Variants in CAMKMT observed in about 807,000 individuals in gnomAD.
CAMKMT encodes calmodulin-lysine N-methyltransferase, also known as CaM KMT.
CAMKMT carries 53 observed loss-of-function variants against 48.0 expected under a neutral mutation model. That is an observed-to-expected ratio of 1.10 (90% CI 0.89 to 1.39). CAMKMT has a LOEUF of 1.39. CAMKMT is among the 40% of genes most tolerant of loss of function. The pLI, the probability that CAMKMT is intolerant of heterozygous loss-of-function variation, is 0.00. For synonymous variants in CAMKMT, 165 were observed against 152.3 expected (o/e 1.08, Z -0.61); for missense variants, 428 against 402.7 (o/e 1.06, Z -0.54).
intron 9 of CAMKMT, among the ~76,000 whole-genome samples, chr2:44,758,845 C>CA (rs1172229436): frequency 1.3e-5 from 2 of 152,184 alleles, no homozygotes; most frequent in East Asian, 3.9e-4. Flanking sequence ...TGACAACCAA[C>CA]AAATGGTATC....
intron 3 of CAMKMT, among the ~76,000 whole-genome samples, chr2:44,672,093 C>T (rs1675364885): frequency 6.6e-6 from 1 of 152,186 alleles, no homozygotes; most frequent in Admixed American, 6.5e-5. Context: ...CCCTCCCCAT[C>T]CGCCTCACTC....
At position 44,657,185 on chromosome 2, in the gene CAMKMT, G is replaced by A. The variant is rs774311063; in HGVS notation, c.377-47098G>A. ...ATGAGAGCCATATGAAGGCCATCCC[G>A]TGGAGAGGTCAGGACCTCTCAGAGT... On this transcript the variant is annotated intron_variant, in intron 3 of 10. Coordinates refer to ENST00000378494, the MANE Select transcript of CAMKMT (RefSeq NM_024766.5). This position sits in a 1 kb window ranked among gnomAD's most constrained non-coding sequence, Gnocchi z 4.3. 1.3e-5 allele frequency among the ~76,000 whole-genome samples: 2 copies of A among 152,170 alleles called. No individual in the cohort carries two copies. Among genetic ancestry groups the A allele is most frequent in the Admixed American group, 6.5e-5 (1 of 15,278 alleles).
At chr2:44,682,457 TTAGCTG>T (rs1477431578) in intron 3 of CAMKMT, among the ~76,000 whole-genome samples, 1 of 152,234 alleles carries the variant, frequency 6.6e-6, no homozygotes, top group African/African-American at 2.4e-5. Flanking sequence ...CAATTTGAGC[TTAGCTG>T]AAGCATAATC....
At chr2:44,411,350 T>C (rs1048862250) in intron 3 of CAMKMT, among the ~76,000 whole-genome samples, 12 of 152,202 alleles carry the variant, frequency 7.9e-5, no homozygotes, top group Non-Finnish European at 1.6e-4. Context: ...GACATTGTCT[T>C]ATAGAAAAGT....
intron 3 of CAMKMT, among the ~76,000 whole-genome samples, chr2:44,561,244 T>C (rs1668307083): frequency 6.6e-6 from 1 of 152,202 alleles, no homozygotes; most frequent in African/African-American, 2.4e-5. Context: ...TCCTCAACAT[T>C]ACTACGTCTT....
At chr2:44,686,499 A>G (rs1395658790) in intron 3 of CAMKMT, among the ~76,000 whole-genome samples, 1 of 152,200 alleles carries the variant, frequency 6.6e-6, no homozygotes, top group Non-Finnish European at 1.5e-5. Flanking sequence ...GAAGTATAAG[A>G]TGTTAACAAT....
intron 3 of CAMKMT, among the ~76,000 whole-genome samples, chr2:44,701,946 C>G (rs1231450144): frequency 6.6e-6 from 1 of 151,954 alleles, no homozygotes; most frequent in African/African-American, 2.4e-5. Flanking sequence ...GTGATTATAT[C>G]CTAGTGGTCA....
At chr2:44,615,916 A>G (rs1308580405) in intron 3 of CAMKMT, among the ~76,000 whole-genome samples, 1 of 152,072 alleles carries the variant, frequency 6.6e-6, no homozygotes, top group Non-Finnish European at 1.5e-5. Flanking sequence ...TCACCAAAAC[A>G]TCCAGTATGT....
In CAMKMT at chr2:44,394,689, A is replaced by G. The variant is rs1681664013; in HGVS notation, c.376+4384A>G. ...GTGATTTACCCGCCACAGCCTCCCA[A>G]AGTGCTGGGATTATAGGCAAGAGCC... On this transcript the variant is annotated intron_variant, in intron 3 of 10. Coordinates refer to ENST00000378494, the MANE Select transcript of CAMKMT (RefSeq NM_024766.5). Among the ~76,000 whole-genome samples the G allele has an allele frequency of 2.0e-5, 3 of 152,126 alleles. No individual in the cohort carries two copies. The South Asian group carries it at 6.2e-4, about 32-fold the overall frequency.
chr2:44,751,731 T>C (rs1680162325), intron 8 of CAMKMT, among the ~76,000 whole-genome samples: 1 of 152,188 alleles, frequency 6.6e-6, no homozygotes, highest in Non-Finnish European at 1.5e-5. Context: ...CTTGCGCTGC[T>C]ACAAAGGTAC....
chr2:44,685,872 C>G (rs533249969), intron 3 of CAMKMT, among the ~76,000 whole-genome samples: 1 of 151,996 alleles, frequency 6.6e-6, no homozygotes, highest in Admixed American at 6.5e-5. Context: ...CTACACAGTT[C>G]TTTTGATGAG....
chr2:44,631,164 A>G (rs150246028), intron 3 of CAMKMT, among the ~76,000 whole-genome samples: 5,897 of 152,140 alleles, frequency 0.039, 327 homozygotes, highest in African/African-American at 0.12. Context: ...ACCAAACACC[A>G]TATATTCTCA....
Position 44,558,181 on chromosome 2 carries a change from A to G in CAMKMT, c.377-146102A>G, listed in dbSNP as rs750290602. Among the ~76,000 whole-genome samples, 97 of 152,094 alleles carry G rather than the reference A, an allele frequency of 6.4e-4. 1 individual carries two copies. The highest frequency in any genetic ancestry group is 1.1e-3 in the Non-Finnish European group (77 of 68,020). On this transcript the variant is annotated intron_variant, in intron 3 of 10. Transcript: ENST00000378494. ...GTGATCCTTCTGCCTCAGCCTCCTG[A>G]GTACCCACCACCACACTCAGCTAAT...
chr2:44,390,294 C>CAGG lies in CAMKMT; in HGVS notation c.367_369dup (p.Gly123dup). The CAGG allele has an allele frequency of 6.2e-7, 1 of 1,604,624 alleles. No homozygotes were observed. Among genetic ancestry groups the CAGG allele is most frequent in the Non-Finnish European group, 8.5e-7 (1 of 1,174,218 alleles). ...GATGTCCTTACCAGCTTTGACAATA[C>CAGG]AGGAAATGTTTGTAAGTTATACATT... On this transcript the variant is annotated inframe_insertion, in exon 3 of 11. Transcript: ENST00000378494.
intron 3 of CAMKMT, among the ~76,000 whole-genome samples, chr2:44,604,179 T>C (rs886077412): frequency 1.3e-5 from 2 of 152,200 alleles, no homozygotes; most frequent in African/African-American, 2.4e-5. Flanking sequence ...AGGTACAATT[T>C]AGAATTAGAT....
intron 3 of CAMKMT, among the ~76,000 whole-genome samples, chr2:44,641,707 G>T (rs1026234318): frequency 4.5e-5 from 6 of 133,846 alleles, no homozygotes; most frequent in African/African-American, 1.6e-4. Flanking sequence ...ACAGGTGCAT[G>T]TCACCAAACC....
intron 3 of CAMKMT, among the ~76,000 whole-genome samples, chr2:44,521,413 G>C (rs1671103050): frequency 6.6e-6 from 1 of 151,960 alleles, no homozygotes; most frequent in Non-Finnish European, 1.5e-5. Context: ...CGAGTAGCTG[G>C]GACTGCAGGT....
intron 3 of CAMKMT, among the ~76,000 whole-genome samples, chr2:44,701,245 A>G (rs1446773874): frequency 6.6e-6 from 1 of 152,244 alleles, no homozygotes; most frequent in African/African-American, 2.4e-5. Context: ...CATTCCCACC[A>G]GCAGTGCATC....
At chr2:44,376,178 A>G (rs1472510063) in intron 2 of CAMKMT, among the ~76,000 whole-genome samples, 3 of 152,014 alleles carry the variant, frequency 2.0e-5, no homozygotes, top group Non-Finnish European at 4.4e-5. Flanking sequence ...TGGGAGGCTG[A>G]GAAGGGTGGA....
Sources: gnomAD v4.1 joint callset for allele counts (sites outside exome capture counted in the v4.1 genomes callset) on GRCh38, gnomAD v4.1.1 for gene constraint, Gnocchi (gnomAD v3.1) non-coding constraint, MANE v1.5 for transcripts, NCBI Gene and HGNC (gene_info 2026-07-23, HGNC 2026-07-21) for gene names.